LIPK: variants seen among roughly 807,000 people sequenced by gnomAD.
LIPK encodes the protein lipase family member K, also known as lipase member K.
LIPK carries 32 observed loss-of-function variants against 48.6 expected under a neutral mutation model. The observed-to-expected ratio is 0.66, with a 90% CI of 0.50 to 0.88. The LOEUF is 0.88. Among genes scored for constraint, LIPK ranks in the 40% least tolerant of loss-of-function variants. The probability of loss-of-function intolerance (pLI) is 0.00; values close to 1 mark genes in which losing one functional copy is unlikely to be tolerated. For missense variants in LIPK, 507 were observed against 478.5 expected (o/e 1.06, Z -0.56); for synonymous variants, 164 against 157.4 (o/e 1.04, Z -0.32).
At chr10:88,726,969 C>T (rs1842356057) in intron 3 of LIPK, 57 bp downstream of exon 3, 1 of 1,025,422 alleles carries the variant, frequency 9.8e-7, no homozygotes, top group South Asian at 1.4e-5. Context: ...ACTTAGATGT[C>T]CTGGGAGAAG....
Position 88,752,671 on chromosome 10 carries a change from A to T in LIPK, c.1115A>T (p.His372Leu). 1 of 1,577,516 alleles carries T rather than the reference A, an allele frequency of 6.3e-7. No individual in the cohort carries two copies. Among genetic ancestry groups the T allele is most frequent in the Non-Finnish European group, 8.6e-7 (1 of 1,159,356 alleles). The change falls in exon 10 of 10, where the codon CAT becomes CTT. Residue 372 changes from histidine (H) to leucine (L), a missense_variant. By Grantham distance (99) the His-to-Leu change is moderately conservative (BLOSUM62 -3). Coordinates refer to ENST00000404190, the MANE Select transcript of LIPK (RefSeq NM_001080518.2). ...TACAAGCTGATTCCACACTACAATC[A>T]TGTGGATTTTTACCTTGGAGAGGAT... is the stretch of plus-strand genomic sequence containing the variant. ...IYYKLIPHYN[H>L]VDFYLGEDAP... is the part of the protein sequence containing the mutation.
intron 1 of LIPK, among the ~76,000 whole-genome samples, chr10:88,721,086 A>C (rs530203): frequency 0.78 from 119,077 of 151,784 alleles, 47,680 homozygotes; most frequent in East Asian, 1. Context: ...CCTTATATTT[A>C]TTAGTCTAAT....
At chr10:88,718,432 ATACATTTTGCT>A (rs1196037377) in intron 1 of LIPK, among the ~76,000 whole-genome samples, 1 of 151,254 alleles carries the variant, frequency 6.6e-6, no homozygotes. Context: ...TGAGAATGTC[ATACATTTTGCT>A]TACATTTTAT....
intron 3 of LIPK, among the ~76,000 whole-genome samples, chr10:88,729,260 G>A (rs993518950): frequency 7.4e-6 from 1 of 135,992 alleles, no homozygotes; most frequent in Non-Finnish European, 1.6e-5. Context: ...GTTGGGGGGG[G>A]GGGGCGGGGG....
At chr10:88,723,345 A>G (rs980894590) in intron 1 of LIPK, among the ~76,000 whole-genome samples, 1 of 151,124 alleles carries the variant, frequency 6.6e-6, no homozygotes, top group Non-Finnish European at 1.5e-5. Flanking sequence ...TATTGCTGCC[A>G]TAGAGTTGCA....
At chr10:88,714,147 G>T (rs965432601) in intron 1 of LIPK, among the ~76,000 whole-genome samples, 1 of 151,868 alleles carries the variant, frequency 6.6e-6, no homozygotes, top group Non-Finnish European at 1.5e-5. Flanking sequence ...CAATATGTTA[G>T]CATTAATTAT....
Position 88,737,649 on chromosome 10 carries a change from C to T in LIPK, c.684C>T (p.Asp228=), listed in dbSNP as rs762192486. Residue 228 remains aspartate (D), a synonymous_variant, in exon 7 of 10, where the codon GAC becomes GAT. Coordinates refer to ENST00000404190, the MANE Select transcript of LIPK (RefSeq NM_001080518.2). ...SRRVVKVLFG[D]KMFHPHTLFD... Reference sequence around the variant, plus strand: ...TTATCTTGTAGGTGTTGTTTGGTGACAAAATGTTCCACCCTCATACATTGT... The same window carrying T: ...TTATCTTGTAGGTGTTGTTTGGTGATAAAATGTTCCACCCTCATACATTGT... 3.1e-6 allele frequency: 5 copies of T among 1,613,502 alleles called. No homozygotes were observed. In the South Asian group the frequency reaches 4.4e-5, roughly 14 times the overall value.
In LIPK at chr10:88,737,720, G is replaced by A. The variant is rs746321332; in HGVS notation, c.755G>A (p.Arg252His). Residue 252 changes from arginine (R) to histidine (H), a missense_variant, in exon 7 of 10, where the codon CGT (arginine) becomes CAT (histidine). By Grantham distance (29) the Arg-to-His change is conservative. Coordinates refer to ENST00000404190, the MANE Select transcript of LIPK (RefSeq NM_001080518.2). ...ATKVCNRKLF[R>H]RICSNFLFTL... ...AAAGTGTGCAATCGAAAGCTATTCC[G>A]TCGTATTTGCAGCAACTTCCTATTT... is the stretch of plus-strand genomic sequence containing the variant. The A allele has an allele frequency of 9.3e-5, 150 of 1,613,694 alleles. No homozygotes were observed. The highest frequency in any genetic ancestry group is 8.2e-4 in the Middle Eastern group (5 of 6,084).
intron 9 of LIPK, among the ~76,000 whole-genome samples, chr10:88,745,796 A>C (rs1842756382): frequency 6.6e-6 from 1 of 152,250 alleles, no homozygotes; most frequent in Non-Finnish European, 1.5e-5. Flanking sequence ...CCTTGAATGC[A>C]AACAGGCTAA....
chr10:88,744,682 T>G (rs450252), intron 9 of LIPK, among the ~76,000 whole-genome samples: 33,476 of 152,146 alleles, frequency 0.22, 3,854 homozygotes, highest in East Asian at 0.37. Flanking sequence ...CCAAAACAGT[T>G]GAGAAGGAAT....
At chr10:88,721,198 T>C (rs1189532681) in intron 1 of LIPK, among the ~76,000 whole-genome samples, 2 of 152,050 alleles carry the variant, frequency 1.3e-5, no homozygotes, top group African/African-American at 2.4e-5. Flanking sequence ...TATAAGGATA[T>C]ATGAACCAGC....
At chr10:88,727,452 T>C (rs1057436784) in intron 3 of LIPK, 1 of 162,844 alleles carries the variant, frequency 6.1e-6, no homozygotes, top group Non-Finnish European at 1.3e-5. Flanking sequence ...TTAAAGTAAA[T>C]ATTACCCTAT....
chr10:88,711,977 A>G (rs1842035163), intron 1 of LIPK, among the ~76,000 whole-genome samples: 1 of 152,150 alleles, frequency 6.6e-6, no homozygotes, highest in Admixed American at 6.5e-5. Flanking sequence ...GAAATGTATC[A>G]AGGTTACTTT....
intron 7 of LIPK, among the ~76,000 whole-genome samples, chr10:88,737,983 C>T (rs1054697422): frequency 6.6e-6 from 1 of 152,196 alleles, no homozygotes; most frequent in African/African-American, 2.4e-5. Context: ...TTTCTGCCAA[C>T]AATTCTCATC....
At chr10:88,713,605 T>A (rs988865853) in intron 1 of LIPK, among the ~76,000 whole-genome samples, 56 of 152,184 alleles carry the variant, frequency 3.7e-4, no homozygotes, top group African/African-American at 1.2e-3. Flanking sequence ...GGGTTTTGTG[T>A]AGACTAGTTA....
In LIPK at chr10:88,732,503, C is replaced by A. The variant is rs1385200974; in HGVS notation, c.621C>A (p.Thr207=). 43 of 1,612,700 alleles carry A rather than the reference C, an allele frequency of 2.7e-5. No individual in the cohort carries two copies. The highest frequency in any genetic ancestry group is 3.6e-5 in the Non-Finnish European group (43 of 1,179,496). ...CTCCAGTTGTCACAGTTAAATACAC[C>A]CAAAGTCCTATGAAAAAACTAACAA... The part of the protein sequence containing the change: ...ALAPVVTVKY[T]QSPMKKLTTL... Residue 207 remains threonine, a synonymous_variant, in exon 6 of 10, where the codon ACC becomes ACA. Coordinates refer to ENST00000404190, the MANE Select transcript of LIPK (RefSeq NM_001080518.2).
At chr10:88,737,822 T>C (rs1475923753) in intron 7 of LIPK, 41 bp downstream of exon 7, 1 of 1,606,282 alleles carries the variant, frequency 6.2e-7, no homozygotes, top group African/African-American at 1.3e-5. Flanking sequence ...ATTTGTTTTG[T>C]TGCACAGAAG....
chr10:88,741,334 C>T (rs995932679), intron 8 of LIPK, among the ~76,000 whole-genome samples: 3 of 152,152 alleles, frequency 2.0e-5, no homozygotes, highest in Admixed American at 1.3e-4. Flanking sequence ...AAGCAATCCT[C>T]CCATCTCAGC....
At chr10:88,739,974 A>G in intron 7 of LIPK, 22 bp from the exon 8 acceptor site, 1 of 1,567,882 alleles carries the variant, frequency 6.4e-7, no homozygotes, top group Non-Finnish European at 8.8e-7. Flanking sequence ...TAGCCTCTAG[A>G]TGAGAAGTAA....
Sources: gnomAD v4.1 joint callset for allele counts (sites outside exome capture counted in the v4.1 genomes callset) on GRCh38, gnomAD v4.1.1 for gene constraint, MANE v1.5 for transcripts, NCBI Gene and HGNC (gene_info 2026-07-23, HGNC 2026-07-21) for gene names.